DNAH1: variants seen among roughly 807,000 people sequenced by gnomAD.
DNAH1 encodes the protein dynein axonemal heavy chain 1.
Under a neutral mutation model 484.3 loss-of-function variants are expected in DNAH1, and 327 were observed. The observed-to-expected ratio is 0.68, with a 90% CI of 0.62 to 0.74. The LOEUF is 0.74. DNAH1 is among the 30% of genes least tolerant of loss of function. The pLI is 0.00. For synonymous variants in DNAH1, 2,192 were observed against 2,191.9 expected (o/e 1.00, Z 0.00); for missense variants, 5,052 against 5,546.8 (o/e 0.91, Z 2.83).
chr3:52,394,166 G>A (rs975687517), intron 66 of DNAH1, among the ~76,000 whole-genome samples: 2 of 152,276 alleles, frequency 1.3e-5, no homozygotes, highest in East Asian at 3.9e-4. Context: ...ACCACTGTCA[G>A]AGCCCTAACT....
In DNAH1 at chr3:52,353,768, T is replaced by C. The variant is rs948204509; in HGVS notation, c.3480+135T>C. 1 of 1,147,006 alleles carries C rather than the reference T, an allele frequency of 8.7e-7. No homozygotes were observed. The highest frequency in any genetic ancestry group is 1.5e-5 in the South Asian group (1 of 66,514). The allele number at this position is 1,147,006 out of a possible 1,614,324, so 71.1% of individuals were successfully genotyped here. ...TCCCTGGGGTCATGAGGCCCAGGGG[T>C]TGAGATGCATTCTATTAAGTGAGTT... On this transcript the variant is annotated intron_variant, in intron 20 of 77. Transcript: ENST00000420323. This position sits in a 1 kb window ranked among gnomAD's most constrained non-coding sequence, Gnocchi z 5.0.
chr3:52,314,451 T>C (rs1233485880), upstream of DNAH1, among the ~76,000 whole-genome samples: 3 of 152,112 alleles, frequency 2.0e-5, no homozygotes, highest in African/African-American at 4.8e-5. Flanking sequence ...GGTGGGATCA[T>C]GTGGGGTCAT....
chr3:52,320,952 C>A (rs965391434), intron 1 of DNAH1, among the ~76,000 whole-genome samples: 1 of 151,340 alleles, frequency 6.6e-6, no homozygotes, highest in South Asian at 2.1e-4. Context: ...AAGTGTGCAC[C>A]ACCACACCCA....
At chr3:52,390,355 C>G (rs1578196841) in intron 60 of DNAH1, among the ~76,000 whole-genome samples, 1 of 152,202 alleles carries the variant, frequency 6.6e-6, no homozygotes, top group Admixed American at 6.5e-5. Flanking sequence ...GTCCCAGCTT[C>G]TCAGGAGGCT....
intron 39 of DNAH1, 37 bp from the exon 40 acceptor site, chr3:52,370,440 T>A (rs373148610): frequency 5.0e-5 from 80 of 1,613,370 alleles, no homozygotes; most frequent in Non-Finnish European, 6.5e-5. Flanking sequence ...TTGATACTGT[T>A]CCTGTCTCAG....
chr3:52,376,944 G>T (rs1259709868), intron 46 of DNAH1, among the ~76,000 whole-genome samples: 1 of 151,962 alleles, frequency 6.6e-6, no homozygotes, highest in Non-Finnish European at 1.5e-5. Context: ...CCTGCCACGG[G>T]CTTCTCTCAG....
Position 52,396,715 on chromosome 3 carries a change from A to T in DNAH1, c.11528A>T (p.Tyr3843Phe). The change falls in exon 72 of 78, where the codon TAT (tyrosine) becomes TTT (phenylalanine). Residue 3843 changes from tyrosine to phenylalanine, a missense_variant. Physicochemically the swap from Tyr to Phe is conservative, Grantham distance 22. Around this residue, in one of 4 missense-constraint regions of DNAH1, gnomAD observed 853 missense variants for 899.0 expected, o/e 0.95. Transcript: ENST00000420323. ...KFGPLGFNIPYEFTDGDLRIC... is the reference protein window; with the variant it reads ...KFGPLGFNIPFEFTDGDLRIC... ...GGGCCCCTGGGCTTCAACATCCCCTATGAGTTCACGGATGGAGATCTGCGC... is the reference window on the plus strand; with the variant it reads ...GGGCCCCTGGGCTTCAACATCCCCTTTGAGTTCACGGATGGAGATCTGCGC... 2 of 1,613,620 alleles carry T rather than the reference A, an allele frequency of 1.2e-6. No homozygotes were observed. Among genetic ancestry groups the T allele is most frequent in the Non-Finnish European group, 1.7e-6 (2 of 1,179,858 alleles).
At chr3:52,314,482 A>G (rs994491628), upstream of DNAH1, among the ~76,000 whole-genome samples, 4 of 152,216 alleles carry the variant, frequency 2.6e-5, no homozygotes, top group Non-Finnish European at 5.9e-5. Context: ...GCTGGTGTCA[A>G]CAGCCACTAT....
rs1312270615 is a variant in DNAH1, at chr3:52,326,906, C to T, written c.738+15C>T. 17 of 1,609,472 alleles carry T rather than the reference C, an allele frequency of 1.1e-5. No individual in the cohort carries two copies. Among genetic ancestry groups the T allele is most frequent in the African/African-American group, 2.7e-5 (2 of 74,722 alleles). ...TCCCACTGAAGGTGAGCCGGGCTTCCACAGATGGTTGAGAGACAGGGGCAG... is the reference window on the plus strand; with the variant it reads ...TCCCACTGAAGGTGAGCCGGGCTTCTACAGATGGTTGAGAGACAGGGGCAG... On this transcript the variant is annotated intron_variant, in intron 5 of 77. Transcript: ENST00000420323.
At position 52,381,580 on chromosome 3, in the gene DNAH1, A is replaced by G. The variant is rs1703845129; in HGVS notation, c.7609-60A>G. The G allele has an allele frequency of 6.8e-7, 1 of 1,472,264 alleles. No homozygotes were observed. Among genetic ancestry groups the G allele is most frequent in the Non-Finnish European group, 9.2e-7 (1 of 1,089,590 alleles). 91.2% of individuals were successfully genotyped at this position (1,472,264 alleles called of 1,614,324 possible). A position where few individuals can be genotyped will look rare whatever the true frequency, so the allele number is the denominator to read the frequency against. ...AGAAGAAAGCGGGTGGGTGGGGGGA[A>G]TCGGGGAGACCCTACAGTAAGAGAG... On this transcript the variant is annotated intron_variant, in intron 48 of 77. Transcript: ENST00000420323. This position sits in a 1 kb window ranked among gnomAD's most constrained non-coding sequence, Gnocchi z 4.1.
chr3:52,335,404 AT>A (rs34295466), intron 8 of DNAH1, among the ~76,000 whole-genome samples: 185 of 73,714 alleles, frequency 2.5e-3, no homozygotes, highest in Middle Eastern at 0.012. Flanking sequence ...GCAATGTGTG[AT>A]TTTTTTTTTT....
chr3:52,373,331 C>T (rs1251663441), intron 44 of DNAH1, among the ~76,000 whole-genome samples: 1 of 48,102 alleles, frequency 2.1e-5, no homozygotes, highest in Admixed American at 3.2e-4. Context: ...GGCGCGACGG[C>T]GGGGCGGGGG....
upstream of DNAH1, among the ~76,000 whole-genome samples, chr3:52,315,130 G>A (rs1293164737): frequency 6.6e-6 from 1 of 152,200 alleles, no homozygotes; most frequent in Non-Finnish European, 1.5e-5. Context: ...TGGGGAGGCA[G>A]TGAATCGTAG....
At chr3:52,393,520 G>A in intron 66 of DNAH1, 35 bp downstream of exon 66, 2 of 1,609,242 alleles carry the variant, frequency 1.2e-6, no homozygotes, top group South Asian at 1.1e-5. Flanking sequence ...GACTGCCTGA[G>A]GGGTGGCCCT....
At position 52,359,782 on chromosome 3, in the gene DNAH1, C is replaced by T. The variant is rs371726171; in HGVS notation, c.4408-134C>T. ...TTCCTTCCCCTGCCCGGTCCCTGCT[C>T]CCCTCCCAACTCAGACCATCAGAGA... is the stretch of plus-strand genomic sequence containing the variant. On this transcript the variant is annotated intron_variant, in intron 26 of 77. Coordinates refer to ENST00000420323, the MANE Select transcript of DNAH1 (RefSeq NM_015512.5). The T allele has an allele frequency of 4.3e-5, 52 of 1,202,028 alleles. No individual in the cohort carries two copies. In the East Asian group the frequency reaches 5.4e-4, roughly 12 times the overall value. 74.5% of individuals were successfully genotyped at this position (1,202,028 alleles called of 1,614,324 possible). A position where few individuals can be genotyped will look rare whatever the true frequency, so the allele number is the denominator to read the frequency against.
rs1194922869 is a variant in DNAH1 at position 52,364,274 on chromosome 3, C to T, written c.5245-364C>T. On this transcript the variant is annotated intron_variant, in intron 32 of 77. Transcript: ENST00000420323. This position sits in a 1 kb window ranked among gnomAD's most constrained non-coding sequence, Gnocchi z 4.2. ...GTTATGGGAGAATGTTAGAAGGAAG[C>T]TCAAGGGCCATCAAGGCCAAGCTGA... 6.6e-6 allele frequency among the ~76,000 whole-genome samples: 1 copy of T among 152,230 alleles called. No homozygotes were observed.
chr3:52,393,389 C>T lies in DNAH1; in HGVS notation c.10530C>T (p.Tyr3510=). The change falls in exon 66 of 78, where the codon TAC becomes TAT. Residue 3510 remains tyrosine (Y), a synonymous_variant. Transcript: ENST00000420323. ...ACCGCTACCTGACCTACAGCCTCTA[C>T]AGCAACGTCTGCCGCAGCCTCTTTG... ...NINRYLTYSL[Y]SNVCRSLFEK... The T allele has an allele frequency of 1.2e-6, 2 of 1,614,050 alleles. No homozygotes were observed. The highest frequency in any genetic ancestry group is 1.3e-5 in the African/African-American group (1 of 75,052).
intron 44 of DNAH1, chr3:52,374,261 T>C: frequency 6.7e-7 from 1 of 1,503,192 alleles, no homozygotes. Flanking sequence ...AATTAATGGA[T>C]TTGCCTTACC....
intron 7 of DNAH1, 56 bp from the exon 8 acceptor site, chr3:52,332,083 GTGT>G: frequency 3.9e-6 from 6 of 1,522,224 alleles, no homozygotes; most frequent in Non-Finnish European, 2.7e-6. Flanking sequence ...CCGGAACCTA[GTGT>G]TTCAGCCCAG....
Sources: allele counts gnomAD v4.1 joint callset (sites outside exome capture counted in the v4.1 genomes callset), GRCh38; gene constraint gnomAD v4.1.1; regional missense constraint gnomAD v4.1.1; non-coding constraint Gnocchi (gnomAD v3.1); transcripts MANE v1.5; gene names NCBI Gene and HGNC (gene_info 2026-07-23, HGNC 2026-07-21).